Variants in SEMA3C observed in about 807,000 individuals in gnomAD.
SEMA3C encodes semaphorin 3C.
SEMA3C carries 47 observed loss-of-function variants against 89.4 expected under a neutral mutation model. The observed-to-expected ratio is 0.53, with a 90% confidence interval of 0.42 to 0.67. The LOEUF is 0.67. Among genes scored for constraint, SEMA3C ranks in the 30% least tolerant of loss-of-function variants. The probability of loss-of-function intolerance (pLI) is 0.00; values close to 1 mark genes in which losing one functional copy is unlikely to be tolerated. For synonymous variants in SEMA3C, 310 were observed against 320.2 expected (o/e 0.97, Z 0.34); for missense variants, 839 against 929.1 (o/e 0.90, Z 1.26).
intron 11 of SEMA3C, among the ~76,000 whole-genome samples, chr7:80,797,095 T>C (rs1006169865): frequency 2.6e-5 from 4 of 152,188 alleles, no homozygotes; most frequent in Non-Finnish European, 5.9e-5. Context: ...CATAAATGTA[T>C]CTTTTGATTT....
At chr7:80,750,072 G>C (rs1787889538) in intron 16 of SEMA3C, among the ~76,000 whole-genome samples, 1 of 152,056 alleles carries the variant, frequency 6.6e-6, no homozygotes, top group Non-Finnish European at 1.5e-5. Context: ...TTAGTAAAAA[G>C]AATGCCATTT....
intron 2 of SEMA3C, among the ~76,000 whole-genome samples, chr7:80,851,005 A>G (rs545042848): frequency 6.6e-6 from 1 of 152,066 alleles, no homozygotes; most frequent in South Asian, 2.1e-4. Context: ...TCCAGCTTCT[A>G]TTCATTTCTT....
intron 11 of SEMA3C, among the ~76,000 whole-genome samples, chr7:80,793,104 C>T (rs1176825513): frequency 6.6e-6 from 1 of 152,166 alleles, no homozygotes; most frequent in East Asian, 1.9e-4. Flanking sequence ...TTAAACTTCT[C>T]CTTTAAATGT....
chr7:80,877,689 A>T (rs1269138401), intron 2 of SEMA3C, among the ~76,000 whole-genome samples: 3 of 152,248 alleles, frequency 2.0e-5, no homozygotes, highest in Admixed American at 1.3e-4. Flanking sequence ...CCATGTGGAC[A>T]CAGTTGTAGT....
At chr7:80,767,956 A>T (rs1788341023) in intron 12 of SEMA3C, among the ~76,000 whole-genome samples, 1 of 152,214 alleles carries the variant, frequency 6.6e-6, no homozygotes, top group African/African-American at 2.4e-5. Flanking sequence ...AACACAGCAA[A>T]CTGAAAAATA....
At position 80,755,907 on chromosome 7, in the gene SEMA3C, T is replaced by C. The variant is rs116714498; in HGVS notation, c.1643+2424A>G. Among the ~76,000 whole-genome samples, 1,432 of 152,222 alleles carry C rather than the reference T, an allele frequency of 9.4e-3. 22 individuals carry two copies. Among genetic ancestry groups the C allele is most frequent in the African/African-American group, 0.033 (1,378 of 41,536 alleles). On this transcript the variant is annotated intron_variant, in intron 15 of 17. Coordinates refer to ENST00000265361, the MANE Select transcript of SEMA3C (RefSeq NM_006379.5). ...AGTAATGATGTCTAGAAATTCTAGA[T>C]AGACATCAAAAGAAGTCAGGGACCT...
At chr7:80,791,326 A>G (rs1788935907) in intron 11 of SEMA3C, among the ~76,000 whole-genome samples, 1 of 152,194 alleles carries the variant, frequency 6.6e-6, no homozygotes, top group Admixed American at 6.5e-5. Flanking sequence ...TAATATTTTA[A>G]TACATACAAA....
In SEMA3C at chr7:80,744,134, A is replaced by ATAAAT. The variant is rs5885194; in HGVS notation, c.*755_*759dup. On this transcript the variant is annotated 3_prime_UTR_variant, in exon 18 of 18. Transcript: ENST00000265361. ...CCAGATTATATTCTTTGAGTCTAAA[A>ATAAAT]TAAATAACTTCCAAAAAAAGTAAGT... The ATAAAT allele has an allele frequency of 0.95, 144,289 of 151,784 alleles. 69,057 individuals carry two copies. Among genetic ancestry groups the ATAAAT allele is most frequent in the Middle Eastern group, 1 (294 of 294 alleles). The allele number at this position is 151,784 out of a possible 1,614,324, so 9.4% of individuals were successfully genotyped here. A position where few individuals can be genotyped will look rare whatever the true frequency, so the allele number is the denominator to read the frequency against.
chr7:80,867,036 G>T (rs1212536622), intron 2 of SEMA3C, among the ~76,000 whole-genome samples: 4 of 152,146 alleles, frequency 2.6e-5, no homozygotes, highest in Non-Finnish European at 4.4e-5. Flanking sequence ...AGTTTCGATT[G>T]CACTGCCTAT....
At chr7:80,795,535 C>G (rs1404750238) in intron 11 of SEMA3C, among the ~76,000 whole-genome samples, 4 of 152,170 alleles carry the variant, frequency 2.6e-5, no homozygotes, top group Non-Finnish European at 4.4e-5. Flanking sequence ...TGCTTTGGAA[C>G]AGGAAACAAA....
chr7:80,870,626 C>T (rs757382355), intron 2 of SEMA3C, among the ~76,000 whole-genome samples: 1 of 152,140 alleles, frequency 6.6e-6, no homozygotes. Flanking sequence ...TGGAGGAACA[C>T]CTATTTTACA....
chr7:80,828,634 T>C lies in SEMA3C; in HGVS notation c.215A>G (p.Asp72Gly). 6.2e-7 allele frequency: 1 copy of C among 1,612,006 alleles called. No individual in the cohort carries two copies. The highest frequency in any genetic ancestry group is 8.5e-7 in the Non-Finnish European group (1 of 1,178,572). Residue 72 changes from aspartate to glycine, a missense_variant, in exon 3 of 18, where the codon GAT becomes GGT. Transcript: ENST00000265361. Reference protein sequence around the residue: ...DQDRIYVGSKDHILSLNINNI... With the variant: ...DQDRIYVGSKGHILSLNINNI... ...GTTAATATTCAGGGAAAGAATGTGA[T>C]CTTTGCTTCCCACATATATCCGGTC...
intron 12 of SEMA3C, among the ~76,000 whole-genome samples, chr7:80,768,332 T>C (rs1453039411): frequency 6.6e-6 from 1 of 151,994 alleles, no homozygotes; most frequent in Non-Finnish European, 1.5e-5. Context: ...GCTAACACAG[T>C]GAAACCCCGT....
chr7:80,917,859 T>C (rs1304053251), intron 1 of SEMA3C, among the ~76,000 whole-genome samples: 1 of 152,230 alleles, frequency 6.6e-6, no homozygotes, highest in African/African-American at 2.4e-5. Context: ...GTCAAAATTA[T>C]TAAATTCTTT....
chr7:80,889,991 A>C (rs2116143735), intron 2 of SEMA3C, among the ~76,000 whole-genome samples: 1 of 152,310 alleles, frequency 6.6e-6, no homozygotes, highest in South Asian at 2.1e-4. Context: ...TTGGAAAACT[A>C]ATTAAAATGT....
intron 2 of SEMA3C, among the ~76,000 whole-genome samples, chr7:80,854,255 T>C (rs1790582997): frequency 6.6e-6 from 1 of 152,218 alleles, no homozygotes; most frequent in African/African-American, 2.4e-5. Flanking sequence ...CTCCATTTGT[T>C]CTTCTTTGCC....
rs559652644 is a variant in SEMA3C, at chr7:80,897,455, C to G, written c.103+19224G>C. On this transcript the variant is annotated intron_variant, in intron 2 of 17. Transcript: ENST00000265361. Reference sequence around the variant, plus strand: ...TTTAAGTAAGCTTTAGTCAACAGACCACACTTGCCTACATGCCCTGGCCAA... The same window carrying G: ...TTTAAGTAAGCTTTAGTCAACAGACGACACTTGCCTACATGCCCTGGCCAA... 1.9e-3 allele frequency among the ~76,000 whole-genome samples: 284 copies of G among 152,222 alleles called. 2 individuals carry two copies. The highest frequency in any genetic ancestry group is 5.9e-3 in the African/African-American group (245 of 41,536).
At chr7:80,873,876 C>T (rs1451676167) in intron 2 of SEMA3C, among the ~76,000 whole-genome samples, 1 of 152,196 alleles carries the variant, frequency 6.6e-6, no homozygotes, top group Non-Finnish European at 1.5e-5. Flanking sequence ...AGGATGTTCA[C>T]TGTGCTCTGG....
At chr7:80,824,554 A>T (rs377252616) in intron 4 of SEMA3C, among the ~76,000 whole-genome samples, 1 of 152,222 alleles carries the variant, frequency 6.6e-6, no homozygotes, top group Non-Finnish European at 1.5e-5. Context: ...TTGAAATAAA[A>T]GGTTAACAGA....
Sources: allele counts gnomAD v4.1 joint callset (sites outside exome capture counted in the v4.1 genomes callset), GRCh38; gene constraint gnomAD v4.1.1; transcripts MANE v1.5; gene names NCBI Gene and HGNC (gene_info 2026-07-23, HGNC 2026-07-21).